Variants in AKAP13 observed in about 807,000 individuals in gnomAD.
AKAP13 encodes A-kinase anchoring protein 13.
A neutral mutation model predicts 264.5 loss-of-function variants in AKAP13; 80 were observed. The observed-to-expected ratio is 0.30, with a 90% CI of 0.25 to 0.36. The LOEUF (loss-of-function observed/expected upper bound fraction) is 0.36. Ranked by LOEUF, AKAP13 falls within the 10% of genes least tolerant of loss-of-function variation. The probability of loss-of-function intolerance (pLI) is 1.00; values close to 1 mark genes in which losing one functional copy is unlikely to be tolerated. For missense variants in AKAP13, 3,712 were observed against 3,435.2 expected, an observed-to-expected ratio of 1.08 and a Z score of -2.01; for synonymous variants, 1,380 against 1,250.2, an observed-to-expected ratio of 1.10 and a Z score of -2.19.
chr15:85,741,738 A>AAAC (rs1567226030), intron 35 of AKAP13, among the ~76,000 whole-genome samples: 16 of 150,994 alleles, frequency 1.1e-4, no homozygotes, highest in Admixed American at 2.0e-4. Flanking sequence ...ACAAAAAAAA[A>AAAC]AAACAGTTTT....
At chr15:85,603,015 A>T (rs2080161615) in intron 8 of AKAP13, among the ~76,000 whole-genome samples, 1 of 152,196 alleles carries the variant, frequency 6.6e-6, no homozygotes, top group Non-Finnish European at 1.5e-5. Flanking sequence ...GGCTTTCCAG[A>T]ATTTTCATTT....
intron 1 of AKAP13, among the ~76,000 whole-genome samples, chr15:85,427,099 G>C (rs1448228754): frequency 1.3e-5 from 2 of 151,834 alleles, no homozygotes; most frequent in Admixed American, 1.3e-4. Context: ...GGGACTACAG[G>C]CGCCCACCAC....
chr15:85,659,795 G>A (rs1172648610), intron 12 of AKAP13, among the ~76,000 whole-genome samples: 4 of 152,178 alleles, frequency 2.6e-5, no homozygotes, highest in Non-Finnish European at 4.4e-5. Flanking sequence ...TAGGAAGAAC[G>A]TAATGTATAA....
intron 4 of AKAP13, among the ~76,000 whole-genome samples, chr15:85,538,916 T>C (rs7359225): frequency 0.5 from 74,855 of 149,438 alleles, 19,035 homozygotes; most frequent in Middle Eastern, 0.62. Flanking sequence ...CTGCAAGCTC[T>C]GCCTCCCAGG....
At chr15:85,740,775 ACC>A (rs34080252) in intron 34 of AKAP13, among the ~76,000 whole-genome samples, 1,187 of 67,396 alleles carry the variant, frequency 0.018, 65 homozygotes, top group African/African-American at 0.073. Flanking sequence ...ACACACAACC[ACC>A]CCCCCCCCCA....
At chr15:85,679,406 A>T (rs2084455835) in intron 14 of AKAP13, among the ~76,000 whole-genome samples, 1 of 152,210 alleles carries the variant, frequency 6.6e-6, no homozygotes, top group South Asian at 2.1e-4. Context: ...CTTAAATTCA[A>T]AACTACTAGT....
intron 35 of AKAP13, among the ~76,000 whole-genome samples, chr15:85,743,062 G>C (rs886848714): frequency 6.6e-6 from 1 of 151,988 alleles, no homozygotes; most frequent in Non-Finnish European, 1.5e-5. Context: ...GTGTAAGCTC[G>C]GCTTTTCCAC....
intron 1 of AKAP13, among the ~76,000 whole-genome samples, chr15:85,435,429 A>C (rs2073236431): frequency 8.7e-6 from 1 of 115,584 alleles, no homozygotes; most frequent in Non-Finnish European, 1.8e-5. Context: ...CAATCTAGCA[A>C]GGCAGGCCAA....
intron 9 of AKAP13, 120 bp from the exon 10 acceptor site, chr15:85,645,696 GAA>G: frequency 4.7e-6 from 5 of 1,060,564 alleles, no homozygotes; most frequent in Non-Finnish European, 6.5e-6. Context: ...GGAAGGAAGA[GAA>G]AAGAGTGAGA....
intron 1 of AKAP13, among the ~76,000 whole-genome samples, chr15:85,466,686 G>T (rs1409603000): frequency 6.6e-6 from 1 of 152,114 alleles, no homozygotes; most frequent in Admixed American, 6.5e-5. Context: ...GTCTAGCACT[G>T]CATCTTATTC....
intron 1 of AKAP13, among the ~76,000 whole-genome samples, chr15:85,382,826 T>G (rs2070360595): frequency 1.3e-5 from 2 of 152,188 alleles, no homozygotes; most frequent in Non-Finnish European, 2.9e-5. Context: ...TTGAATTGGG[T>G]AAATTATTTT....
chr15:85,703,570 C>T (rs888296962), intron 17 of AKAP13, among the ~76,000 whole-genome samples: 1 of 152,118 alleles, frequency 6.6e-6, no homozygotes, highest in Non-Finnish European at 1.5e-5. Context: ...GGCCAGGTGC[C>T]GTGGCTCACG....
intron 1 of AKAP13, among the ~76,000 whole-genome samples, chr15:85,450,419 T>G (rs891551847): frequency 6.6e-6 from 1 of 152,138 alleles, no homozygotes; most frequent in Non-Finnish European, 1.5e-5. Flanking sequence ...TGGGGTTGAT[T>G]TGTTCTTCTC....
chr15:85,395,185 A>G (rs1390066637), intron 1 of AKAP13, among the ~76,000 whole-genome samples: 5 of 152,240 alleles, frequency 3.3e-5, no homozygotes, highest in Admixed American at 2.0e-4. Flanking sequence ...AGAAAGGAGA[A>G]GAATTCTGAT....
chr15:85,433,599 C>T (rs1025305497), intron 1 of AKAP13, among the ~76,000 whole-genome samples: 2 of 152,036 alleles, frequency 1.3e-5, no homozygotes, highest in Non-Finnish European at 2.9e-5. Flanking sequence ...ATCATCCCTT[C>T]TTGGTATTAG....
intron 1 of AKAP13, among the ~76,000 whole-genome samples, chr15:85,472,384 A>G (rs2074993795): frequency 6.6e-6 from 1 of 152,048 alleles, no homozygotes; most frequent in Non-Finnish European, 1.5e-5. Flanking sequence ...CAAATTTTCA[A>G]CAAGTTATTG....
intron 1 of AKAP13, among the ~76,000 whole-genome samples, chr15:85,446,322 C>T (rs1463180658): frequency 1.3e-5 from 2 of 152,012 alleles, no homozygotes; most frequent in Admixed American, 1.3e-4. Flanking sequence ...GATAAGGAGA[C>T]AGTGTGGAGG....
chr15:85,480,434 C>T (rs1177553425), intron 1 of AKAP13, among the ~76,000 whole-genome samples: 1 of 152,100 alleles, frequency 6.6e-6, no homozygotes, highest in Non-Finnish European at 1.5e-5. Flanking sequence ...TCCAGTAACC[C>T]CACAGTATAG....
chr15:85,505,909 A>G (rs1196467188), intron 2 of AKAP13, among the ~76,000 whole-genome samples: 11 of 152,196 alleles, frequency 7.2e-5, no homozygotes, highest in Admixed American at 6.5e-4. Context: ...AGGGCAACTG[A>G]GCTAAAAATT....
Sources: gnomAD v4.1 joint callset for allele counts (sites outside exome capture counted in the v4.1 genomes callset) on GRCh38, gnomAD v4.1.1 for gene constraint, MANE v1.5 for transcripts, NCBI Gene and HGNC (gene_info 2026-07-23, HGNC 2026-07-21) for gene names.